The following TMCO6 variants were observed in gnomAD, a reference collection of about 807,000 sequenced individuals.
TMCO6 encodes transmembrane and coiled-coil domain-containing protein 6.
In TMCO6, 47 loss-of-function variants were observed where a neutral mutation model predicts 61.8. The observed-to-expected ratio is 0.76, with a 90% CI of 0.60 to 0.97. The LOEUF (loss-of-function observed/expected upper bound fraction) is 0.97. TMCO6 is among the 50% of genes least tolerant of loss of function. The pLI, the probability that TMCO6 is intolerant of heterozygous loss-of-function variation, is 0.00. For synonymous variants in TMCO6, 261 were observed against 254.2 expected (o/e 1.03, Z -0.25); for missense variants, 557 against 601.6 (o/e 0.93, Z 0.78).
At chr5:140,647,136 A>G, downstream of TMCO6, 1 of 1,084,430 alleles carries the variant, frequency 9.2e-7, no homozygotes, top group Non-Finnish European at 1.3e-6. Flanking sequence ...GATCAACAGC[A>G]AGGCTAAAGT....
At chr5:140,638,524 A>C (rs1361315434), upstream of TMCO6, among the ~76,000 whole-genome samples, 1 of 151,604 alleles carries the variant, frequency 6.6e-6, no homozygotes, top group Admixed American at 6.6e-5. Context: ...TTATTTGAAG[A>C]GAAACCTCAT....
chr5:140,632,573 C>T, the TMCO6 span: 1 of 1,614,110 alleles, frequency 6.2e-7, no homozygotes, highest in Non-Finnish European at 8.5e-7. The surrounding 1 kb of genome is among the most constrained non-coding windows in gnomAD (Gnocchi z 6.2). Flanking sequence ...CTGTGGCTTC[C>T]AGAGGCAGCG....
At chr5:140,610,996 A>G in the TMCO6 span, among the ~76,000 whole-genome samples, 1 of 151,850 alleles carries the variant, frequency 6.6e-6, no homozygotes, top group Non-Finnish European at 1.5e-5. Context: ...TTCTAATTCT[A>G]TTTTTCTGAT....
upstream of TMCO6, among the ~76,000 whole-genome samples, chr5:140,636,159 T>C (rs1756766329): frequency 6.6e-6 from 1 of 152,050 alleles, no homozygotes; most frequent in African/African-American, 2.4e-5. Context: ...CCACCACACC[T>C]GGTTAATTTT....
At chr5:140,630,788 T>G in the TMCO6 span, among the ~76,000 whole-genome samples, 1 of 152,300 alleles carries the variant, frequency 6.6e-6, no homozygotes, top group African/African-American at 2.4e-5. Flanking sequence ...CAATGTTAAT[T>G]TCCATTCCCT....
At position 140,643,570 on chromosome 5, in the gene TMCO6, C is replaced by T. The variant is rs1335016961; in HGVS notation, c.813C>T (p.Val271=). 6.2e-7 allele frequency: 1 copy of T among 1,613,822 alleles called. No individual in the cohort carries two copies. Among genetic ancestry groups the T allele is most frequent in the Non-Finnish European group, 8.5e-7 (1 of 1,179,992 alleles). Residue 271 remains valine, a synonymous_variant, in exon 8 of 12, where the codon GTC becomes GTT. Transcript: ENST00000394671. ...CTTGCTTCCTGTTGCCCAGCCAGGT[C>T]AGCAATCCTCTGCTCATTGGCCATG... ...WCLHYIICSQ[V]SNPLLIGHGA... is the part of the protein sequence containing the mutation.
At chr5:140,642,271 G>T in intron 4 of TMCO6, 44 bp from the exon 5 acceptor site, 1 of 1,544,174 alleles carries the variant, frequency 6.5e-7, no homozygotes, top group Non-Finnish European at 8.8e-7. Context: ...ACGCAGCCTG[G>T]CATGAAACAG....
At chr5:140,604,048 G>A in the TMCO6 span, among the ~76,000 whole-genome samples, 1 of 152,160 alleles carries the variant, frequency 6.6e-6, no homozygotes, top group Non-Finnish European at 1.5e-5. Flanking sequence ...TGGTGAGTGT[G>A]TAGTGATATC....
chr5:140,627,707 G>A, the TMCO6 span, among the ~76,000 whole-genome samples: 1 of 148,866 alleles, frequency 6.7e-6, no homozygotes, highest in Non-Finnish European at 1.5e-5. Flanking sequence ...TTTTTCATTT[G>A]CCAGTTTTTA....
chr5:140,613,605 TTATCTACTCAAG>T, the TMCO6 span, among the ~76,000 whole-genome samples: 1 of 152,094 alleles, frequency 6.6e-6, no homozygotes. Context: ...CCAGTCCCTT[TTATCTACTCAAG>T]AACATTGCTC....
chr5:140,636,891 ATTC>A (rs1756782964), upstream of TMCO6, among the ~76,000 whole-genome samples: 1 of 152,156 alleles, frequency 6.6e-6, no homozygotes, highest in African/African-American at 2.4e-5. Context: ...TCCTGTAAAA[ATTC>A]TTAGGTGCCA....
downstream of TMCO6, among the ~76,000 whole-genome samples, chr5:140,646,211 A>G (rs1173104632): frequency 6.6e-6 from 1 of 152,020 alleles, no homozygotes; most frequent in East Asian, 1.9e-4. Flanking sequence ...GGGTTTTACC[A>G]TGTTGGCCAG....
intron 2 of TMCO6, 23 bp from the exon 3 acceptor site, chr5:140,641,642 C>T (rs1757035756): frequency 1.2e-6 from 2 of 1,608,066 alleles, no homozygotes; most frequent in African/African-American, 2.7e-5. Context: ...CGTGTGTTCT[C>T]CTTTCCCTGC....
chr5:140,647,359 G>C (rs558825457), downstream of TMCO6: 19 of 1,610,384 alleles, frequency 1.2e-5, no homozygotes, highest in South Asian at 1.3e-4. Flanking sequence ...TCTCAATGAA[G>C]TCCCTGCGGG....
chr5:140,641,291 G>A (rs1226298935), intron 2 of TMCO6: 1 of 177,000 alleles, frequency 5.6e-6, no homozygotes, highest in Non-Finnish European at 1.2e-5. Flanking sequence ...AAAAGCTCAT[G>A]TTAGGCTGGT....
At chr5:140,647,565 T>C (rs779028375), downstream of TMCO6, 3 of 1,611,134 alleles carry the variant, frequency 1.9e-6, no homozygotes, top group Middle Eastern at 4.9e-4. Flanking sequence ...ACTCCTCGAC[T>C]TGCTGCGGCC....
At chr5:140,628,483 G>A in the TMCO6 span, among the ~76,000 whole-genome samples, 1 of 150,868 alleles carries the variant, frequency 6.6e-6, no homozygotes, top group South Asian at 2.1e-4. Flanking sequence ...CTGTCACCCA[G>A]GCTAGAGTGT....
chr5:140,609,379 G>T, the TMCO6 span: 1 of 256,612 alleles, frequency 3.9e-6, no homozygotes, highest in South Asian at 4.3e-5. Context: ...CCGCCAAGAG[G>T]AAAGCAGCTG....
At chr5:140,639,683 G>A in intron 1 of TMCO6, 56 bp from the exon 2 acceptor site, 2 of 1,547,784 alleles carry the variant, frequency 1.3e-6, no homozygotes, top group Non-Finnish European at 1.7e-6. Flanking sequence ...GCTCGGAGCC[G>A]CGGGTTCTGG....
Sources: gnomAD v4.1 joint callset for allele counts (sites outside exome capture counted in the v4.1 genomes callset) on GRCh38, gnomAD v4.1.1 for gene constraint, Gnocchi (gnomAD v3.1) non-coding constraint, MANE v1.5 for transcripts, NCBI Gene and HGNC (gene_info 2026-07-23, HGNC 2026-07-21) for gene names.